SMURF2: variants seen among roughly 807,000 people sequenced by gnomAD.
SMURF2 encodes the protein E3 ubiquitin-protein ligase SMURF2.
A neutral mutation model predicts 109.6 loss-of-function variants in SMURF2; 48 were observed. The observed-to-expected ratio is 0.44, with a 90% CI of 0.35 to 0.56. SMURF2 has a LOEUF of 0.56. Among genes scored for constraint, SMURF2 ranks in the 20% least tolerant of loss-of-function variants. The pLI, the probability that SMURF2 is intolerant of heterozygous loss-of-function variation, is 0.01. For missense variants in SMURF2, 575 were observed against 909.0 expected (o/e 0.63, Z 4.72); for synonymous variants, 288 against 317.1 (o/e 0.91, Z 0.97).
intron 1 of SMURF2, among the ~76,000 whole-genome samples, chr17:64,622,200 A>T (rs963137163): frequency 6.6e-6 from 1 of 151,872 alleles, no homozygotes; most frequent in Non-Finnish European, 1.5e-5. Flanking sequence ...CATAAATGTA[A>T]TAAACTTTTT....
Position 64,547,676 on chromosome 17 carries a change from T to C in SMURF2, c.1995A>G (p.Glu665=). The part of the protein sequence containing the change: ...WFWKAVEFFD[E]ERRARLLQFV... ...ACTGAAGCAATCTTGCTCGTCGCTC[T>C]TCATCAAAAAACTCCACAGCTTTCC... The change falls in exon 17 of 19, where the codon GAA becomes GAG. Residue 665 remains glutamate (E), a synonymous_variant. Coordinates refer to ENST00000262435, the MANE Select transcript of SMURF2 (RefSeq NM_022739.4). This position sits in a 1 kb window ranked among gnomAD's most constrained non-coding sequence, Gnocchi z 4.2. 6.2e-7 allele frequency: 1 copy of C among 1,614,180 alleles called. No homozygotes were observed. Among genetic ancestry groups the C allele is most frequent in the Non-Finnish European group, 8.5e-7 (1 of 1,180,030 alleles).
chr17:64,563,025 T>C (rs1038150398), intron 10 of SMURF2, 59 bp from the exon 11 acceptor site: 1 of 1,410,066 alleles, frequency 7.1e-7, no homozygotes, highest in Admixed American at 2.2e-5. Context: ...ATTGCAATTA[T>C]AGATTTAAAA....
intron 1 of SMURF2, among the ~76,000 whole-genome samples, chr17:64,632,521 G>A (rs573069709): frequency 9.2e-5 from 14 of 152,244 alleles, no homozygotes; most frequent in South Asian, 6.2e-4. Flanking sequence ...AAGAGAGATG[G>A]GCAGGAAACA....
rs1302388368 is a variant in SMURF2 at position 64,542,830 on chromosome 17, A to T, written c.*3018T>A. On this transcript the variant is annotated 3_prime_UTR_variant, in exon 19 of 19. Coordinates refer to ENST00000262435, the MANE Select transcript of SMURF2 (RefSeq NM_022739.4). ...ATGAAAGAAAAAAAGGCTTGGTAAA[A>T]AACCCATTCGGGGCAACAAACTATG... The T allele has an allele frequency of 6.6e-6, 1 of 152,250 alleles. No homozygotes were observed. Among genetic ancestry groups the T allele is most frequent in the Non-Finnish European group, 1.5e-5 (1 of 68,060 alleles). The allele number at this position is 152,250 out of a possible 1,614,324, so 9.4% of individuals were successfully genotyped here. A position where few individuals can be genotyped will look rare whatever the true frequency, so the allele number is the denominator to read the frequency against.
chr17:64,649,709 T>TG (rs1970610963), intron 1 of SMURF2, among the ~76,000 whole-genome samples: 2 of 151,888 alleles, frequency 1.3e-5, no homozygotes. Context: ...CCAGGCATGG[T>TG]GGTGCGTGCC....
Position 64,586,131 on chromosome 17 carries a change from T to TGCCTATTCG in SMURF2, c.439_440insCGAATAGGC (p.Gly146_Gln147insProAsnArg). 2 of 1,610,668 alleles carry TGCCTATTCG rather than the reference T, an allele frequency of 1.2e-6. No homozygotes were observed. The highest frequency in any genetic ancestry group is 2.7e-5 in the African/African-American group (2 of 74,976). ...AAATAAACGACTGCAGTCCACAACT[T>TGCCTATTCG]GTCCTCCTGTGCCTATTCGGTCTCT... is the stretch of plus-strand genomic sequence containing the variant. On this transcript the variant is annotated inframe_insertion, in exon 6 of 19. Transcript: ENST00000262435.
chr17:64,562,790 G>A lies in SMURF2; in HGVS notation c.1193C>T (p.Ser398Phe). ...PQAGHCRIEVSREEIFEESYR... is the reference protein window; with the variant it reads ...PQAGHCRIEVFREEIFEESYR... ...ATTTACCTCAAAAATCTCTTCCCTGGAAACCTCAATGCGGCAATGACCTGC... is the reference window on the plus strand; with the variant it reads ...ATTTACCTCAAAAATCTCTTCCCTGAAAACCTCAATGCGGCAATGACCTGC... Residue 398 changes from serine to phenylalanine, a missense_variant, in exon 11 of 19, where the codon TCC (serine) becomes TTC (phenylalanine). Ser to Phe is a radical substitution (Grantham distance 155). This residue lies in a region of SMURF2 where 361 missense variants were observed against 612.1 expected (regional missense o/e 0.59). Coordinates refer to ENST00000262435, the MANE Select transcript of SMURF2 (RefSeq NM_022739.4). The A allele has an allele frequency of 6.2e-7, 1 of 1,613,154 alleles. No individual in the cohort carries two copies. The highest frequency in any genetic ancestry group is 1.7e-5 in the Admixed American group (1 of 59,680).
chr17:64,550,966 T>C (rs571653268), intron 16 of SMURF2, among the ~76,000 whole-genome samples: 1 of 152,298 alleles, frequency 6.6e-6, no homozygotes, highest in Non-Finnish European at 1.5e-5. Flanking sequence ...AGTTAGGGAA[T>C]AGACATATAT....
chr17:64,568,603 CAATT>C (rs1555685291), intron 10 of SMURF2, among the ~76,000 whole-genome samples: 1 of 152,180 alleles, frequency 6.6e-6, no homozygotes, highest in Non-Finnish European at 1.5e-5. Context: ...AGGTAACAAA[CAATT>C]AAGATACAAA....
At chr17:64,565,678 C>T (rs1453750313) in intron 10 of SMURF2, among the ~76,000 whole-genome samples, 1 of 151,600 alleles carries the variant, frequency 6.6e-6, no homozygotes, top group Non-Finnish European at 1.5e-5. Flanking sequence ...CTTTTATGCA[C>T]CTCTGGACAA....
intron 1 of SMURF2, among the ~76,000 whole-genome samples, chr17:64,642,098 C>T (rs1482571583): frequency 6.6e-6 from 1 of 152,192 alleles, no homozygotes; most frequent in African/African-American, 2.4e-5. Context: ...TGAGCCATCA[C>T]GCCCGGCCCT....
At chr17:64,566,561 G>GTTTTTTTTTTTTTGATTTTTT (rs1969306919) in intron 10 of SMURF2, among the ~76,000 whole-genome samples, 3 of 43,804 alleles carry the variant, frequency 6.8e-5, no homozygotes, top group African/African-American at 2.3e-4. Context: ...AAGCTTTCTG[G>GTTTTTTTTTTTTTGATTTTTT]TTTTTTTTTT....
At chr17:64,626,317 G>A (rs1158357496) in intron 1 of SMURF2, among the ~76,000 whole-genome samples, 3 of 150,854 alleles carry the variant, frequency 2.0e-5, no homozygotes, top group African/African-American at 7.3e-5. Flanking sequence ...GGTCATACAT[G>A]TCCATGCAGG....
chr17:64,591,203 C>T, intron 4 of SMURF2, 54 bp from the exon 5 acceptor site: 2 of 1,263,864 alleles, frequency 1.6e-6, no homozygotes. Context: ...ATCAGAGATT[C>T]TAACATCTAT....
intron 3 of SMURF2, among the ~76,000 whole-genome samples, chr17:64,597,891 C>T (rs544395497): frequency 1.2e-4 from 18 of 152,032 alleles, no homozygotes; most frequent in African/African-American, 3.9e-4. Flanking sequence ...AAAGCAGTTG[C>T]CTTGAGGATG....
rs1487204860 is a variant in SMURF2, at chr17:64,544,291, C to A, written c.*1557G>T. 6.6e-6 allele frequency: 1 copy of A among 152,154 alleles called. No individual in the cohort carries two copies. The highest frequency in any genetic ancestry group is 1.5e-5 in the Non-Finnish European group (1 of 68,046). 9.4% of individuals were successfully genotyped at this position (152,154 alleles called of 1,614,324 possible). On this transcript the variant is annotated 3_prime_UTR_variant, in exon 19 of 19. Transcript: ENST00000262435. ...TTGCCCCTCTTCTCTTAAACCATTA[C>A]TCCTGAGGCACCCCTGAGGAACCCT...
At chr17:64,576,669 C>CATTA (rs1484935585) in intron 9 of SMURF2, among the ~76,000 whole-genome samples, 1 of 151,780 alleles carries the variant, frequency 6.6e-6, no homozygotes, top group Non-Finnish European at 1.5e-5. Flanking sequence ...ATCTCAAAAA[C>CATTA]ATTAATTAAT....
In SMURF2 at chr17:64,547,081, C is replaced by A. The variant is rs1555683165; in HGVS notation, c.2071+519G>T. The stretch of plus-strand genomic sequence containing the variant: ...TATTACCAGCTCCTCCCAAAATTAA[C>A]CAGCTTATTCCACAGAAAACCATTC... On this transcript the variant is annotated intron_variant, in intron 17 of 18. Coordinates refer to ENST00000262435, the MANE Select transcript of SMURF2 (RefSeq NM_022739.4). The surrounding 1 kb of genome is among the most constrained non-coding windows in gnomAD (Gnocchi z 4.2). Among the ~76,000 whole-genome samples the A allele has an allele frequency of 6.6e-6, 1 of 152,214 alleles. No homozygotes were observed. Among genetic ancestry groups the A allele is most frequent in the African/African-American group, 2.4e-5 (1 of 41,450 alleles).
At chr17:64,645,170 G>A (rs1451476470) in intron 1 of SMURF2, among the ~76,000 whole-genome samples, 1 of 152,198 alleles carries the variant, frequency 6.6e-6, no homozygotes, top group Non-Finnish European at 1.5e-5. Flanking sequence ...CAGAGTGGTA[G>A]AACACAGTGG....
Sources: allele counts gnomAD v4.1 joint callset (sites outside exome capture counted in the v4.1 genomes callset), GRCh38; gene constraint gnomAD v4.1.1; regional missense constraint gnomAD v4.1.1; non-coding constraint Gnocchi (gnomAD v3.1); transcripts MANE v1.5; gene names NCBI Gene and HGNC (gene_info 2026-07-23, HGNC 2026-07-21).